The following SEPTIN9 variants were observed in gnomAD, a reference collection of about 807,000 sequenced individuals.
SEPTIN9 encodes the protein septin-9.
In SEPTIN9, 13 loss-of-function variants were observed where a neutral mutation model predicts 56.6. That is an observed-to-expected ratio of 0.23 (90% CI 0.15 to 0.37). The LOEUF is 0.37. SEPTIN9 is among the 10% of genes least tolerant of loss of function. SEPTIN9 has a pLI of 1.00. For synonymous variants in SEPTIN9, 332 were observed against 334.1 expected (o/e 0.99, Z 0.07); for missense variants, 650 against 823.1 (o/e 0.79, Z 2.57).
At position 77,487,110 on chromosome 17, in the gene SEPTIN9, A is replaced by T. The variant is rs1053733614; in HGVS notation, c.914-314A>T. 2.0e-5 allele frequency among the ~76,000 whole-genome samples: 3 copies of T among 151,908 alleles called. No individual in the cohort carries two copies. The highest frequency in any genetic ancestry group is 7.3e-5 in the African/African-American group (3 of 41,320). On this transcript the variant is annotated intron_variant, in intron 4 of 11. Transcript: ENST00000427177. This position sits in a 1 kb window ranked among gnomAD's most constrained non-coding sequence, Gnocchi z 4.3. ...TGTCCAAAATCTGAGCCACCAGGAG[A>T]CCTCCTGTCCAGAAAGCACAAGGGG... is the stretch of plus-strand genomic sequence containing the variant.
chr17:77,348,292 A>ATTTTTTTT (rs2033947548), intron 2 of SEPTIN9, among the ~76,000 whole-genome samples: 1 of 58,022 alleles, frequency 1.7e-5, no homozygotes, highest in Non-Finnish European at 3.3e-5. Context: ...ATTTTAATTT[A>ATTTTTTTT]TGTTTTTTTT....
At chr17:77,320,297 C>T (rs1180641440) in intron 2 of SEPTIN9, 4 of 1,612,156 alleles carry the variant, frequency 2.5e-6, no homozygotes, top group Non-Finnish European at 2.5e-6. Context: ...GACGCCGGGA[C>T]TCCCGCCGCT....
At chr17:77,341,848 C>T (rs1322509522) in intron 2 of SEPTIN9, among the ~76,000 whole-genome samples, 3 of 150,180 alleles carry the variant, frequency 2.0e-5, no homozygotes, top group South Asian at 2.1e-4. Flanking sequence ...TTTGGGAGGC[C>T]GAGGCGGGCA....
intron 3 of SEPTIN9, among the ~76,000 whole-genome samples, chr17:77,478,416 A>G (rs2039310873): frequency 6.6e-6 from 1 of 152,202 alleles, no homozygotes; most frequent in South Asian, 2.1e-4. Context: ...TTAAAGAGCT[A>G]GAGATATTTG....
At chr17:77,399,877 G>T (rs1161319308) in intron 2 of SEPTIN9, among the ~76,000 whole-genome samples, 1 of 152,232 alleles carries the variant, frequency 6.6e-6, no homozygotes, top group African/African-American at 2.4e-5. Flanking sequence ...TCAGTGTCCT[G>T]CTGCCCTGCG....
At chr17:77,495,274 AGGT>A (rs1337406742) in intron 10 of SEPTIN9, among the ~76,000 whole-genome samples, 1 of 152,164 alleles carries the variant, frequency 6.6e-6, no homozygotes, top group Non-Finnish European at 1.5e-5. Context: ...GACAGTTGTG[AGGT>A]GGTGGGGCCC....
chr17:77,289,781 T>G (rs563023251), intron 1 of SEPTIN9, among the ~76,000 whole-genome samples: 12 of 152,334 alleles, frequency 7.9e-5, no homozygotes, highest in African/African-American at 2.9e-4. Context: ...TTTCTTTCTC[T>G]TTTGCTTTTT....
chr17:77,498,616 C>T lies in SEPTIN9; in HGVS notation c.1719C>T (p.Ala573=), dbSNP rs1275638491. The T allele has an allele frequency of 6.2e-7, 1 of 1,610,890 alleles. No individual in the cohort carries two copies. Among genetic ancestry groups the T allele is most frequent in the African/African-American group, 1.3e-5 (1 of 74,866 alleles). Residue 573 remains alanine, a synonymous_variant, in exon 12 of 12, where the codon GCC becomes GCT. Transcript: ENST00000427177. ...KRLNEGSSAM[A]NGMEEKEPEA... ...TCAACGAGGGCAGCAGCGCCATGGC[C>T]AACGGCATGGAGGAGAAGGAGCCAG... is the stretch of plus-strand genomic sequence containing the variant.
At position 77,326,774 on chromosome 17, in the gene SEPTIN9, C is replaced by T. The variant is rs1438034220; in HGVS notation, c.76+19577C>T. 2.6e-5 allele frequency among the ~76,000 whole-genome samples: 4 copies of T among 152,160 alleles called. No individual in the cohort carries two copies. Among genetic ancestry groups the T allele is most frequent in the Admixed American group, 2.6e-4 (4 of 15,282 alleles). Reference sequence around the variant, plus strand: ...CAGGTAGAATCACAAGGTTCAGCACCACCCCGCAACCTCCAGGTAGGGGAG... The same window carrying T: ...CAGGTAGAATCACAAGGTTCAGCACTACCCCGCAACCTCCAGGTAGGGGAG... On this transcript the variant is annotated intron_variant, in intron 2 of 11. Transcript: ENST00000427177. The surrounding 1 kb of genome is among the most constrained non-coding windows in gnomAD (Gnocchi z 5.1).
Position 77,287,846 on chromosome 17 carries a change from A to T in SEPTIN9, c.19+6292A>T, listed in dbSNP as rs538568274. On this transcript the variant is annotated intron_variant, in intron 1 of 11. Coordinates refer to ENST00000427177, the MANE Select transcript of SEPTIN9 (RefSeq NM_001113491.2). Reference sequence around the variant, plus strand: ...CAGCCTGAAAACCTCCAGGACAGGAAACAGGAGTGGCGCAGGGAATGTAAG... The same window carrying T: ...CAGCCTGAAAACCTCCAGGACAGGATACAGGAGTGGCGCAGGGAATGTAAG... 6.9e-6 allele frequency: 7 copies of T among 1,013,832 alleles called. No individual in the cohort carries two copies. In the East Asian group the frequency reaches 4.6e-4, roughly 66 times the overall value. 62.8% of individuals were successfully genotyped at this position (1,013,832 alleles called of 1,614,324 possible). A position where few individuals can be genotyped will look rare whatever the true frequency, so the allele number is the denominator to read the frequency against.
Position 77,450,725 on chromosome 17 carries a change from G to A in SEPTIN9, c.722-31419G>A, listed in dbSNP as rs1481466041. 2.6e-5 allele frequency: 26 copies of A among 986,300 alleles called. No homozygotes were observed. Among genetic ancestry groups the A allele is most frequent in the Non-Finnish European group, 3.1e-5 (26 of 830,670 alleles). The allele number at this position is 986,300 out of a possible 1,614,324, so 61.1% of individuals were successfully genotyped here. On this transcript the variant is annotated intron_variant, in intron 3 of 11. Transcript: ENST00000427177. This position sits in a 1 kb window ranked among gnomAD's most constrained non-coding sequence, Gnocchi z 6.0. Reference sequence around the variant, plus strand: ...GGCCAGGTCCCCCAGGGGCTGGAGAGGCTGGAGAGGCAGGAGCTGGATCAG... The same window carrying A: ...GGCCAGGTCCCCCAGGGGCTGGAGAAGCTGGAGAGGCAGGAGCTGGATCAG...
chr17:77,360,292 T>C (rs2143846264), intron 2 of SEPTIN9, among the ~76,000 whole-genome samples: 1 of 152,314 alleles, frequency 6.6e-6, no homozygotes, highest in African/African-American at 2.4e-5. Flanking sequence ...AGCCTGCCAG[T>C]TGAACCCTAT....
chr17:77,427,706 C>A (rs1243421235), intron 3 of SEPTIN9, among the ~76,000 whole-genome samples: 1 of 152,224 alleles, frequency 6.6e-6, no homozygotes, highest in Admixed American at 6.5e-5. Flanking sequence ...CTGTGCCTGC[C>A]TGCAGGGTCT....
intron 3 of SEPTIN9, chr17:77,441,966 C>T (rs1192178382): frequency 6.6e-6 from 1 of 152,148 alleles, no homozygotes; most frequent in African/African-American, 2.4e-5. Flanking sequence ...ATTTCCTCTA[C>T]CCTCTTAGGT....
At chr17:77,306,003 G>A (rs1164792978) in intron 1 of SEPTIN9, among the ~76,000 whole-genome samples, 1 of 139,534 alleles carries the variant, frequency 7.2e-6, no homozygotes, top group African/African-American at 2.7e-5. Flanking sequence ...TTGGTGGGTG[G>A]GTGGGTGGGT....
At chr17:77,486,806 C>T (rs958095397) in intron 4 of SEPTIN9, among the ~76,000 whole-genome samples, 3 of 152,198 alleles carry the variant, frequency 2.0e-5, no homozygotes, top group Non-Finnish European at 4.4e-5. Context: ...TGCAGGCCAG[C>T]GCCCCCTAGC....
chr17:77,409,791 G>C (rs1238037766), intron 3 of SEPTIN9, among the ~76,000 whole-genome samples: 1 of 152,238 alleles, frequency 6.6e-6, no homozygotes, highest in Non-Finnish European at 1.5e-5. Flanking sequence ...GCCGCGGCCA[G>C]ACAGCCATGC....
chr17:77,321,679 C>T (rs1190764745), intron 2 of SEPTIN9, among the ~76,000 whole-genome samples: 4 of 152,208 alleles, frequency 2.6e-5, no homozygotes, highest in African/African-American at 9.7e-5. Context: ...TGAGCCACGG[C>T]GCCCGGCCTC....
intron 7 of SEPTIN9, 78 bp from the exon 8 acceptor site, chr17:77,490,664 C>A: frequency 8.8e-7 from 1 of 1,137,078 alleles, no homozygotes; most frequent in South Asian, 1.3e-5. Flanking sequence ...CTGAGAGTGT[C>A]GACACCTGCT....
Sources: gnomAD v4.1 joint callset for allele counts (sites outside exome capture counted in the v4.1 genomes callset) on GRCh38, gnomAD v4.1.1 for gene constraint, Gnocchi (gnomAD v3.1) non-coding constraint, MANE v1.5 for transcripts, NCBI Gene and HGNC (gene_info 2026-07-23, HGNC 2026-07-21) for gene names.